The following YBEY variants were observed in gnomAD, a reference collection of about 807,000 sequenced individuals.
The protein encoded by YBEY is endoribonuclease YbeY.
In YBEY, 15 loss-of-function variants were observed where a neutral mutation model predicts 13.5. The ratio of observed to expected loss-of-function variants is 1.11; its 90% CI spans 0.75 to 1.72. The LOEUF is 1.72. Among genes scored for constraint, YBEY ranks in the 40% most tolerant of loss-of-function variants. YBEY has a pLI of 0.00. For missense variants in YBEY, 244 were observed against 208.4 expected (o/e 1.17, Z -1.05); for synonymous variants, 101 against 83.1 (o/e 1.21, Z -1.17).
downstream of YBEY, among the ~76,000 whole-genome samples, chr21:46,298,525 GT>G (rs1481998484): frequency 6.9e-6 from 1 of 145,796 alleles, no homozygotes; most frequent in Non-Finnish European, 1.5e-5. Flanking sequence ...GCCCGCCGGG[GT>G]TCACGCCATT....
At chr21:46,313,006 G>A in the YBEY span, 1 of 985,340 alleles carries the variant, frequency 1.0e-6, no homozygotes, top group Non-Finnish European at 1.2e-6. Context: ...TCTTCTAGCT[G>A]TGTGAGGCTG....
At chr21:46,287,388 G>T (rs1401068308) in intron 2 of YBEY, among the ~76,000 whole-genome samples, 2 of 149,150 alleles carry the variant, frequency 1.3e-5, no homozygotes, top group Admixed American at 6.8e-5. Context: ...TTTTAGTAGA[G>T]ACGGGGGTTT....
chr21:46,303,727 ATATATATATATATATATATTTTTTTT>A, the YBEY span, among the ~76,000 whole-genome samples: 82 of 26,612 alleles, frequency 3.1e-3, 3 homozygotes, highest in African/African-American at 0.011. Flanking sequence ...ATATATATAT[ATATATATATATATATATATTTTTTTT>A]TTTTTTTTTT....
At chr21:46,295,459 G>A (rs1204058584) in intron 3 of YBEY, among the ~76,000 whole-genome samples, 2 of 151,964 alleles carry the variant, frequency 1.3e-5, no homozygotes, top group East Asian at 3.9e-4. Context: ...TGCTGTGCCT[G>A]CTCAGGGTCC....
At chr21:46,292,430 C>T (rs779807735) in intron 3 of YBEY, among the ~76,000 whole-genome samples, 2 of 152,140 alleles carry the variant, frequency 1.3e-5, no homozygotes, top group Non-Finnish European at 2.9e-5. Flanking sequence ...TGGCTTCGGT[C>T]TTGAGCAAGG....
At chr21:46,288,139 G>A (rs538779272) in intron 2 of YBEY, among the ~76,000 whole-genome samples, 1 of 152,154 alleles carries the variant, frequency 6.6e-6, no homozygotes, top group East Asian at 1.9e-4. Flanking sequence ...AGTGGGATTC[G>A]TTAATGAATA....
At chr21:46,302,345 G>A (rs1043942273), downstream of YBEY, 3 of 1,105,690 alleles carry the variant, frequency 2.7e-6, no homozygotes, top group Middle Eastern at 6.0e-4. Flanking sequence ...GGACTCGATG[G>A]GGATGGGGGC....
At chr21:46,296,595 AC>A (rs1389817924) in intron 4 of YBEY, among the ~76,000 whole-genome samples, 2 of 152,172 alleles carry the variant, frequency 1.3e-5, no homozygotes, top group African/African-American at 4.8e-5. Flanking sequence ...CGCTCCGCCT[AC>A]GGAGGCCCAC....
chr21:46,300,594 G>A, downstream of YBEY: 1 of 1,144,014 alleles, frequency 8.7e-7, no homozygotes. Flanking sequence ...AGAAGTGAGT[G>A]TTACTGCCAG....
downstream of YBEY, chr21:46,301,366 C>T (rs1016934540): frequency 1.8e-5 from 11 of 597,180 alleles, no homozygotes; most frequent in Non-Finnish European, 2.3e-5. Flanking sequence ...AGGCTGGTCT[C>T]GAATTCCTGA....
rs772070920 is a variant in YBEY at position 46,291,462 on chromosome 21, T to C, written c.339T>C (p.Thr113=). Residue 113 remains threonine, a splice_region_variant and synonymous_variant, in exon 3 of 5, where the codon ACT becomes ACC. Transcript: ENST00000397701. ...KENEDYNDVL[T]VTATHGLCHL... is the part of the protein sequence containing the mutation. ...ATGAAGATTACAATGACGTCCTGAC[T>C]GTAAGCGGGGATGCTGAAATCATAT... 1.9e-6 allele frequency: 3 copies of C among 1,613,584 alleles called. No homozygotes were observed. Among genetic ancestry groups the C allele is most frequent in the Non-Finnish European group, 2.5e-6 (3 of 1,179,854 alleles).
intron 1 of YBEY, 88 bp from the exon 2 acceptor site, chr21:46,286,782 A>G (rs1218403312): frequency 7.9e-6 from 6 of 763,472 alleles, no homozygotes; most frequent in East Asian, 5.4e-5. Flanking sequence ...TCCACCAAAT[A>G]AAGTGATCTG....
chr21:46,286,847 C>A, intron 1 of YBEY, 23 bp from the exon 2 acceptor site: 3 of 1,481,492 alleles, frequency 2.0e-6, no homozygotes, highest in Non-Finnish European at 2.8e-6. Context: ...ACTGATTGGT[C>A]TTCTCTTACA....
At chr21:46,304,978 C>T in the YBEY span, among the ~76,000 whole-genome samples, 1 of 152,198 alleles carries the variant, frequency 6.6e-6, no homozygotes, top group African/African-American at 2.4e-5. Flanking sequence ...TGTGGCTCCA[C>T]TCACAGGACA....
chr21:46,312,836 C>G, the YBEY span, among the ~76,000 whole-genome samples: 1 of 152,352 alleles, frequency 6.6e-6, no homozygotes, highest in South Asian at 2.1e-4. Context: ...CCAGTGACCT[C>G]TCTATCCCAG....
Position 46,288,055 on chromosome 21 carries a change from C to T in YBEY, c.210+932C>T, listed in dbSNP as rs145958643. 7.2e-5 allele frequency among the ~76,000 whole-genome samples: 11 copies of T among 152,202 alleles called. No individual in the cohort carries two copies. In the South Asian group the frequency reaches 2.3e-3, roughly 32 times the overall value. On this transcript the variant is annotated intron_variant, in intron 2 of 4. Coordinates refer to ENST00000397701, the MANE Select transcript of YBEY (RefSeq NM_001314025.2). ...AGAAAAAGGTGACTAGCGTCCACCC[C>T]CCTTCCCCTCCTAATGCTCTCAGTG...
At chr21:46,295,451 C>G (rs568029200) in intron 3 of YBEY, among the ~76,000 whole-genome samples, 1 of 152,058 alleles carries the variant, frequency 6.6e-6, no homozygotes, top group East Asian at 1.9e-4. Flanking sequence ...CCCCTTGGTG[C>G]TGTGCCTGCT....
chr21:46,291,600 G>T, intron 3 of YBEY, 138 bp downstream of exon 3: 1 of 1,480,316 alleles, frequency 6.8e-7, no homozygotes, highest in African/African-American at 1.4e-5. Context: ...TAAGCAGGGT[G>T]TGAGGAGCAC....
At chr21:46,295,479 CCCTCCTCTTCCTCCTCCT>C (rs754787365) in intron 3 of YBEY, among the ~76,000 whole-genome samples, 8 of 152,060 alleles carry the variant, frequency 5.3e-5, no homozygotes, top group Non-Finnish European at 1.0e-4. Flanking sequence ...CACAGGCCCT[CCCTCCTCTTCCTCCTCCT>C]CCTCCTCTTC....
Sources: gnomAD v4.1 joint callset for allele counts (sites outside exome capture counted in the v4.1 genomes callset) on GRCh38, gnomAD v4.1.1 for gene constraint, MANE v1.5 for transcripts, NCBI Gene and HGNC (gene_info 2026-07-23, HGNC 2026-07-21) for gene names.